Variants in ST18 observed in about 807,000 individuals in gnomAD.
ST18 encodes suppression of tumorigenicity 18 protein.
A neutral mutation model predicts 110.0 loss-of-function variants in ST18; 50 were observed. The ratio of observed to expected loss-of-function variants is 0.45; its 90% CI spans 0.36 to 0.58. The LOEUF (loss-of-function observed/expected upper bound fraction) is 0.58. ST18 is among the 20% of genes least tolerant of loss of function. The pLI is 0.00. For synonymous variants in ST18, 461 were observed against 452.4 expected (o/e 1.02, Z -0.24); for missense variants, 1,306 against 1,280.1 (o/e 1.02, Z -0.31).
chr8:52,183,558 C>T (rs574213330), intron 8 of ST18, among the ~76,000 whole-genome samples: 1 of 152,288 alleles, frequency 6.6e-6, no homozygotes, highest in Admixed American at 6.5e-5. Context: ...GTGTAATCTG[C>T]AACAGATAGT....
intron 2 of ST18, among the ~76,000 whole-genome samples, chr8:52,268,990 G>A (rs1221958154): frequency 6.6e-6 from 1 of 152,190 alleles, no homozygotes; most frequent in South Asian, 2.1e-4. Context: ...CACACAGCAC[G>A]TTTTGATGCT....
chr8:52,262,337 G>A (rs1564360461), intron 2 of ST18, among the ~76,000 whole-genome samples: 1 of 152,280 alleles, frequency 6.6e-6, no homozygotes, highest in African/African-American at 2.4e-5. Flanking sequence ...GCACTGACAC[G>A]CCTTTGAAGT....
At chr8:52,340,907 A>G (rs1019111100) in intron 2 of ST18, among the ~76,000 whole-genome samples, 1 of 152,260 alleles carries the variant, frequency 6.6e-6, no homozygotes, top group Non-Finnish European at 1.5e-5. Context: ...GAAACGTTTC[A>G]CAAAAGAACT....
At chr8:52,210,550 C>T (rs891785481) in intron 8 of ST18, among the ~76,000 whole-genome samples, 2 of 151,786 alleles carry the variant, frequency 1.3e-5, no homozygotes, top group African/African-American at 2.4e-5. Flanking sequence ...CCCAGCTACT[C>T]GAGAGGCTGA....
chr8:52,158,486 T>C (rs1198513896), intron 15 of ST18, among the ~76,000 whole-genome samples: 1 of 152,250 alleles, frequency 6.6e-6, no homozygotes. Context: ...CAAGTCACCA[T>C]TTGATCACAC....
intron 8 of ST18, among the ~76,000 whole-genome samples, chr8:52,197,263 A>G (rs2076460715): frequency 6.6e-6 from 1 of 152,268 alleles, no homozygotes; most frequent in South Asian, 2.1e-4. Context: ...TATGTGAATT[A>G]TCCAGACAAC....
intron 14 of ST18, among the ~76,000 whole-genome samples, chr8:52,160,932 T>C (rs1317137470): frequency 1.3e-5 from 2 of 152,198 alleles, no homozygotes; most frequent in Non-Finnish European, 2.9e-5. Context: ...ACCTTTAGTT[T>C]GAATGCTTTT....
chr8:52,362,312 T>C (rs1017633031), intron 2 of ST18, among the ~76,000 whole-genome samples: 10 of 152,212 alleles, frequency 6.6e-5, no homozygotes, highest in Admixed American at 5.2e-4. Flanking sequence ...TTAGGCTCAT[T>C]TAGCAATTTT....
intron 16 of ST18, among the ~76,000 whole-genome samples, chr8:52,147,111 C>T (rs951549865): frequency 1.3e-5 from 2 of 152,090 alleles, no homozygotes; most frequent in Non-Finnish European, 2.9e-5. Flanking sequence ...CAGTCCAAGC[C>T]TGTGTTGTCA....
chr8:52,381,967 T>TAAAA (rs33953466), intron 2 of ST18, among the ~76,000 whole-genome samples: 5,483 of 46,670 alleles, frequency 0.12, 318 homozygotes, highest in African/African-American at 0.15. Flanking sequence ...TATGCTGCAT[T>TAAAA]AAAAAACAAA....
At chr8:52,150,756 A>C (rs2058614794) in intron 15 of ST18, 1 of 152,236 alleles carries the variant, frequency 6.6e-6, no homozygotes, top group South Asian at 2.1e-4. Context: ...AATCCACCGC[A>C]CAATATTTCT....
chr8:52,317,822 A>G (rs1380997402), intron 2 of ST18, among the ~76,000 whole-genome samples: 1 of 152,212 alleles, frequency 6.6e-6, no homozygotes, highest in Non-Finnish European at 1.5e-5. Context: ...ATAGTTTACC[A>G]TGTCCGTTTG....
chr8:52,322,687 C>A (rs1466567230), intron 2 of ST18, among the ~76,000 whole-genome samples: 3 of 152,176 alleles, frequency 2.0e-5, no homozygotes, highest in African/African-American at 7.2e-5. Flanking sequence ...GAAGGCATTT[C>A]TTTCCAGTAG....
At chr8:52,129,158 C>T (rs2048224228) in intron 22 of ST18, among the ~76,000 whole-genome samples, 1 of 151,982 alleles carries the variant, frequency 6.6e-6, no homozygotes, top group South Asian at 2.1e-4. Flanking sequence ...GGCGTTTTGC[C>T]ATATTATTCC....
At chr8:52,135,671 A>T (rs1256328476) in intron 19 of ST18, among the ~76,000 whole-genome samples, 1 of 151,838 alleles carries the variant, frequency 6.6e-6, no homozygotes, top group Non-Finnish European at 1.5e-5. Flanking sequence ...TGGTACTAAG[A>T]TTCCAAATTT....
chr8:52,314,037 G>A (rs1308079047), intron 2 of ST18, among the ~76,000 whole-genome samples: 1 of 152,140 alleles, frequency 6.6e-6, no homozygotes, highest in Non-Finnish European at 1.5e-5. Flanking sequence ...TCAAGCCAAG[G>A]CCAGACTCTT....
intron 22 of ST18, 129 bp downstream of exon 22, chr8:52,131,829 T>C: frequency 1.4e-6 from 1 of 732,946 alleles, no homozygotes; most frequent in Non-Finnish European, 2.2e-6. Context: ...ACAGCAAGAC[T>C]TCATGTTATG....
At chr8:52,407,686 G>A (rs1308123786) in intron 2 of ST18, 3 of 152,118 alleles carry the variant, frequency 2.0e-5, no homozygotes, top group Non-Finnish European at 4.4e-5. Context: ...AGAGATATAT[G>A]GTTTTGGTGG....
intron 2 of ST18, among the ~76,000 whole-genome samples, chr8:52,398,868 A>G (rs976356830): frequency 6.6e-6 from 1 of 152,074 alleles, no homozygotes; most frequent in Non-Finnish European, 1.5e-5. Flanking sequence ...TTTTGTATTA[A>G]CATTCATCAG....
Sources: allele counts gnomAD v4.1 joint callset (sites outside exome capture counted in the v4.1 genomes callset), GRCh38; gene constraint gnomAD v4.1.1; transcripts MANE v1.5; gene names NCBI Gene and HGNC (gene_info 2026-07-23, HGNC 2026-07-21).